Variants in THRB observed in about 807,000 individuals in gnomAD.
THRB encodes thyroid hormone receptor beta.
In THRB, 12 loss-of-function variants were observed where a neutral mutation model predicts 47.8. The ratio of observed to expected loss-of-function variants is 0.25; its 90% CI spans 0.16 to 0.41. The LOEUF (loss-of-function observed/expected upper bound fraction) is 0.41. Ranked by LOEUF, THRB falls within the 10% of genes least tolerant of loss-of-function variation. The pLI is 1.00. For missense variants in THRB, 348 were observed against 589.2 expected, an observed-to-expected ratio of 0.59 and a Z score of 4.24; for synonymous variants, 218 against 212.2, an observed-to-expected ratio of 1.03 and a Z score of -0.24.
At chr3:24,374,363 G>T (rs2065132988) in intron 1 of THRB, among the ~76,000 whole-genome samples, 1 of 151,984 alleles carries the variant, frequency 6.6e-6, no homozygotes, top group African/African-American at 2.4e-5. Context: ...AAAATACATA[G>T]GAAGAGAATA....
At chr3:24,270,988 G>A (rs2053263933) in intron 3 of THRB, among the ~76,000 whole-genome samples, 1 of 152,090 alleles carries the variant, frequency 6.6e-6, no homozygotes, top group African/African-American at 2.4e-5. Flanking sequence ...CTTCTCCCTT[G>A]GATGCTCTGG....
intron 2 of THRB, among the ~76,000 whole-genome samples, chr3:24,332,484 T>C (rs2061987895): frequency 6.6e-6 from 1 of 152,208 alleles, no homozygotes; most frequent in South Asian, 2.1e-4. Flanking sequence ...ATTTGGCCAA[T>C]GTATTATGTT....
intron 3 of THRB, among the ~76,000 whole-genome samples, chr3:24,290,920 A>G (rs2055859098): frequency 6.6e-6 from 1 of 152,210 alleles, no homozygotes; most frequent in East Asian, 1.9e-4. Context: ...TACTCAAGTA[A>G]GATGTCCTGT....
At chr3:24,383,578 G>T (rs1386469569) in intron 1 of THRB, among the ~76,000 whole-genome samples, 2 of 152,024 alleles carry the variant, frequency 1.3e-5, no homozygotes, top group African/African-American at 2.4e-5. Flanking sequence ...GTCTACAAAG[G>T]TAATTAGTAG....
At chr3:24,411,428 G>A (rs947030437) in intron 1 of THRB, among the ~76,000 whole-genome samples, 5 of 151,636 alleles carry the variant, frequency 3.3e-5, no homozygotes, top group African/African-American at 1.2e-4. Context: ...TAATGTCACT[G>A]TTCTTACTAT....
At chr3:24,157,916 C>G (rs1190972396) in intron 5 of THRB, among the ~76,000 whole-genome samples, 1 of 152,158 alleles carries the variant, frequency 6.6e-6, no homozygotes, top group Non-Finnish European at 1.5e-5. Context: ...TTTGCCGTCC[C>G]TGTACATTCA....
rs186893972 is a variant in THRB, at chr3:24,302,460, T to C, written c.-188-5089A>G. On this transcript the variant is annotated intron_variant, in intron 2 of 10. Transcript: ENST00000646209. Reference sequence around the variant, plus strand: ...ATGGTGAAAATTCCATCTCCATTTGTAATTGATAATTCTTGTAAATAAAGT... The same window carrying C: ...ATGGTGAAAATTCCATCTCCATTTGCAATTGATAATTCTTGTAAATAAAGT... Among the ~76,000 whole-genome samples the C allele has an allele frequency of 2.2e-3, 329 of 152,366 alleles. 1 individual carries two copies. Among genetic ancestry groups the C allele is most frequent in the Non-Finnish European group, 3.4e-3 (233 of 68,038 alleles).
chr3:24,329,707 A>AT (rs1177553406), intron 2 of THRB, among the ~76,000 whole-genome samples: 1 of 152,256 alleles, frequency 6.6e-6, no homozygotes, highest in Non-Finnish European at 1.5e-5. Context: ...AAGTGCTAGA[A>AT]TAGACACATT....
chr3:24,203,561 C>G (rs2044862721), intron 4 of THRB, among the ~76,000 whole-genome samples: 1 of 152,172 alleles, frequency 6.6e-6, no homozygotes. Flanking sequence ...CAGCTCCAGT[C>G]TACAGCTCCC....
chr3:24,351,145 A>G (rs1197118264), intron 1 of THRB, among the ~76,000 whole-genome samples: 1 of 152,058 alleles, frequency 6.6e-6, no homozygotes, highest in East Asian at 1.9e-4. Flanking sequence ...TCATGCAAGA[A>G]ATCAGTTTTT....
intron 1 of THRB, among the ~76,000 whole-genome samples, chr3:24,368,513 A>G (rs1245889309): frequency 6.6e-6 from 1 of 152,256 alleles, no homozygotes; most frequent in African/African-American, 2.4e-5. Flanking sequence ...AAAACTTCAT[A>G]GAAAGAGGAG....
chr3:24,391,338 T>C (rs2066554756), intron 1 of THRB, among the ~76,000 whole-genome samples: 1 of 152,164 alleles, frequency 6.6e-6, no homozygotes, highest in Non-Finnish European at 1.5e-5. Flanking sequence ...CACCTTGTTT[T>C]ATCTACCAGT....
intron 1 of THRB, among the ~76,000 whole-genome samples, chr3:24,433,140 C>T (rs1008484785): frequency 1.3e-5 from 2 of 152,072 alleles, no homozygotes; most frequent in Non-Finnish European, 2.9e-5. Flanking sequence ...GCCACAGTTT[C>T]TTCAGCTGTA....
At chr3:24,423,654 G>A (rs1487208816) in intron 1 of THRB, among the ~76,000 whole-genome samples, 1 of 151,822 alleles carries the variant, frequency 6.6e-6, no homozygotes, top group Non-Finnish European at 1.5e-5. Context: ...TATCAGGTTA[G>A]TCCTGAGCAA....
chr3:24,400,365 A>G (rs953607334), intron 1 of THRB, among the ~76,000 whole-genome samples: 1 of 151,986 alleles, frequency 6.6e-6, no homozygotes, highest in African/African-American at 2.4e-5. Context: ...TAAACATGAG[A>G]CCTAGATTTT....
rs550763813 is a variant in THRB at position 24,405,125 on chromosome 3, T to G, written c.-260-67754A>C. Among the ~76,000 whole-genome samples the G allele has an allele frequency of 6.6e-5, 10 of 152,132 alleles. No individual in the cohort carries two copies. In the East Asian group the frequency reaches 1.9e-3, roughly 30 times the overall value. ...GTTTTCGTGGGTTGTTTTCTTTTAT[T>G]TATTCACTTGTTCATTCAGCATATA... is the stretch of plus-strand genomic sequence containing the variant. On this transcript the variant is annotated intron_variant, in intron 1 of 10. Transcript: ENST00000646209.
intron 3 of THRB, among the ~76,000 whole-genome samples, chr3:24,279,660 G>A (rs566341940): frequency 2.6e-5 from 4 of 151,688 alleles, no homozygotes; most frequent in Non-Finnish European, 5.9e-5. Context: ...CTCCCAAAGT[G>A]CTGGGATTAC....
chr3:24,458,364 G>A (rs58274299), intron 1 of THRB: 1 of 152,040 alleles, frequency 6.6e-6, no homozygotes. Context: ...AAATATTTGA[G>A]GTAATCTCTG....
chr3:24,202,097 C>T (rs1251120720), intron 4 of THRB, among the ~76,000 whole-genome samples: 1 of 152,206 alleles, frequency 6.6e-6, no homozygotes, highest in East Asian at 1.9e-4. Context: ...GCATGCGACA[C>T]CCTTTATGGG....
Sources: allele counts gnomAD v4.1 joint callset (sites outside exome capture counted in the v4.1 genomes callset), GRCh38; gene constraint gnomAD v4.1.1; transcripts MANE v1.5; gene names NCBI Gene and HGNC (gene_info 2026-07-23, HGNC 2026-07-21).